SLC25A24: variants seen among roughly 807,000 people sequenced by gnomAD.
SLC25A24 encodes mitochondrial adenyl nucleotide antiporter SLC25A24.
SLC25A24 carries 49 observed loss-of-function variants against 60.7 expected under a neutral mutation model. The observed-to-expected ratio is 0.81, with a 90% CI of 0.64 to 1.02. The LOEUF is 1.02. Among genes scored for constraint, SLC25A24 ranks in the 50% least tolerant of loss-of-function variants. The pLI, the probability that SLC25A24 is intolerant of heterozygous loss-of-function variation, is 0.00. For synonymous variants in SLC25A24, 202 were observed against 200.6 expected (o/e 1.01, Z -0.06); for missense variants, 564 against 586.3 (o/e 0.96, Z 0.39).
intron 4 of SLC25A24, among the ~76,000 whole-genome samples, chr1:108,160,273 A>G (rs1323612900): frequency 1.4e-5 from 2 of 144,826 alleles, no homozygotes; most frequent in Non-Finnish European, 1.5e-5. Context: ...CACATCTCAG[A>G]CGATGGGCGG....
At chr1:108,189,643 C>T (rs116044975) in intron 1 of SLC25A24, among the ~76,000 whole-genome samples, 7,286 of 151,970 alleles carry the variant, frequency 0.048, 263 homozygotes, top group South Asian at 0.09. Flanking sequence ...GGTGAAATCC[C>T]GTTTCTACTA....
intron 3 of SLC25A24, among the ~76,000 whole-genome samples, chr1:108,168,148 A>T (rs1159458862): frequency 6.6e-6 from 1 of 152,176 alleles, no homozygotes; most frequent in Non-Finnish European, 1.5e-5. Flanking sequence ...AATAAAATGC[A>T]ATTTTCAGGT....
At chr1:108,159,004 A>G (rs751836078) in intron 4 of SLC25A24, among the ~76,000 whole-genome samples, 1 of 152,330 alleles carries the variant, frequency 6.6e-6, no homozygotes, top group Non-Finnish European at 1.5e-5. Flanking sequence ...CTCCGTCTCA[A>G]AAAAACAAAA....
chr1:108,166,882 T>C (rs1357319027), intron 3 of SLC25A24, among the ~76,000 whole-genome samples: 1 of 152,160 alleles, frequency 6.6e-6, no homozygotes, highest in Admixed American at 6.5e-5. Flanking sequence ...TTTTAGAGTT[T>C]CCAGTTTTTC....
chr1:108,191,696 G>C (rs1648348217), intron 1 of SLC25A24, among the ~76,000 whole-genome samples: 1 of 139,650 alleles, frequency 7.2e-6, no homozygotes, highest in Non-Finnish European at 1.6e-5. Context: ...ATTTCAACAT[G>C]ACAGAACTCA....
At chr1:108,170,213 G>T (rs1044849886) in intron 3 of SLC25A24, among the ~76,000 whole-genome samples, 9 of 151,958 alleles carry the variant, frequency 5.9e-5, no homozygotes, top group African/African-American at 2.2e-4. Context: ...TTCCACTTAC[G>T]ATTTCCTTTG....
rs1377307386 is a variant in SLC25A24 at position 108,200,300 on chromosome 1, C to T, written c.-162G>A. ...GCTGCGGCGCGCAGGGCGCAGGGCG[C>T]AGGAGCGGAGACCCCACCCGAGCCC... On this transcript the variant is annotated 5_prime_UTR_variant, in exon 1 of 10. Transcript: ENST00000565488. 2.1e-5 allele frequency: 11 copies of T among 530,592 alleles called. No homozygotes were observed. Among genetic ancestry groups the T allele is most frequent in the Non-Finnish European group, 2.8e-5 (10 of 356,200 alleles). 32.9% of individuals were successfully genotyped at this position (530,592 alleles called of 1,614,324 possible).
At chr1:108,166,754 T>A (rs1448507471) in intron 3 of SLC25A24, among the ~76,000 whole-genome samples, 1 of 152,222 alleles carries the variant, frequency 6.6e-6, no homozygotes, top group Non-Finnish European at 1.5e-5. Flanking sequence ...CTCCCATAGC[T>A]CAGAGTAATT....
Position 108,143,628 on chromosome 1 carries a change from T to C in SLC25A24, c.1013A>G (p.Glu338Gly). 1 of 1,613,808 alleles carries C rather than the reference T, an allele frequency of 6.2e-7. No homozygotes were observed. The highest frequency in any genetic ancestry group is 1.1e-5 in the South Asian group (1 of 91,068). Reference protein sequence around the residue: ...YDCAKKILKHEGLGAFYKGYV... With the variant: ...YDCAKKILKHGGLGAFYKGYV... ...GCCTTTGTAAAAAGCTCCCAAGCCT[T>C]CATGTTTCAAAATCTTCTTGGCACA... The change falls in exon 8 of 10, where the codon GAA becomes GGA. Residue 338 changes from glutamate to glycine, a missense_variant. By Grantham distance (98) the Glu-to-Gly change is moderately conservative. Coordinates refer to ENST00000565488, the MANE Select transcript of SLC25A24 (RefSeq NM_013386.5).
chr1:108,168,239 G>C (rs934126692), intron 3 of SLC25A24, among the ~76,000 whole-genome samples: 9 of 152,116 alleles, frequency 5.9e-5, no homozygotes, highest in African/African-American at 2.2e-4. Flanking sequence ...ATTTGTCCCA[G>C]CACAGAGGTA....
intron 7 of SLC25A24, among the ~76,000 whole-genome samples, 182 bp downstream of exon 7, chr1:108,148,097 T>G (rs541157556): frequency 1.3e-5 from 2 of 152,292 alleles, no homozygotes; most frequent in African/African-American, 4.8e-5. Context: ...ATCTTGACTG[T>G]GGGCTGTGAA....
chr1:108,150,465 T>C (rs1679726230), intron 6 of SLC25A24, among the ~76,000 whole-genome samples: 1 of 152,230 alleles, frequency 6.6e-6, no homozygotes, highest in South Asian at 2.1e-4. Context: ...TGAAATCCTT[T>C]TGTCTATCTC....
Position 108,180,607 on chromosome 1 carries a change from AAGAG to A in SLC25A24, c.398+1330_398+1333del, listed in dbSNP as rs1294888143. On this transcript the variant is annotated intron_variant, in intron 3 of 9. Transcript: ENST00000565488. ...GGACTATGGCCTTATAATAGAAAGC[AAGAG>A]AAAGATCTCTCTCTCTCTCTCTCTC... is the stretch of plus-strand genomic sequence containing the variant. Among the ~76,000 whole-genome samples the A allele has an allele frequency of 2.9e-4, 40 of 136,400 alleles. No individual in the cohort carries two copies. In the South Asian group the frequency reaches 8.3e-3, roughly 28 times the overall value. The allele number at this position is 136,400 out of a possible 152,430, so 89.5% of individuals were successfully genotyped here. A position where few individuals can be genotyped will look rare whatever the true frequency, so the allele number is the denominator to read the frequency against.
chr1:108,196,802 C>T (rs1648509408), intron 1 of SLC25A24, among the ~76,000 whole-genome samples: 1 of 141,496 alleles, frequency 7.1e-6, no homozygotes, highest in African/African-American at 2.7e-5. Context: ...CATGAAGGCT[C>T]CACAGGAAGA....
At chr1:108,140,477 A>T (rs1158571094) in intron 8 of SLC25A24, among the ~76,000 whole-genome samples, 3 of 152,174 alleles carry the variant, frequency 2.0e-5, no homozygotes, top group Non-Finnish European at 2.9e-5. Context: ...AATATTTAGA[A>T]TATTATAAAA....
At chr1:108,146,145 T>C (rs934460814) in intron 7 of SLC25A24, among the ~76,000 whole-genome samples, 1 of 152,190 alleles carries the variant, frequency 6.6e-6, no homozygotes, top group Admixed American at 6.5e-5. Context: ...TTGTAAGTTG[T>C]ATTCCGAGGT....
At chr1:108,148,879 T>G (rs1033828002) in intron 6 of SLC25A24, among the ~76,000 whole-genome samples, 7 of 152,148 alleles carry the variant, frequency 4.6e-5, no homozygotes, top group Admixed American at 3.9e-4. Flanking sequence ...ATGTATACAC[T>G]ACATTAATAA....
In SLC25A24 at chr1:108,192,831, C is replaced by T. The variant is rs558840192; in HGVS notation, c.184-6877G>A. The T allele has an allele frequency of 5.1e-6, 6 of 1,181,588 alleles. 1 individual carries two copies. The highest frequency in any genetic ancestry group is 4.3e-5 in the South Asian group (2 of 46,574). The allele number at this position is 1,181,588 out of a possible 1,614,324, so 73.2% of individuals were successfully genotyped here. ...TCCTAACGGCTTCAGCGCAAAGGCG[C>T]GAGCGCGCAGGACCCGGGACCTGCG... is the stretch of plus-strand genomic sequence containing the variant. On this transcript the variant is annotated intron_variant, in intron 1 of 9. Coordinates refer to ENST00000565488, the MANE Select transcript of SLC25A24 (RefSeq NM_013386.5).
Position 108,148,332 on chromosome 1 carries a change from T to C in SLC25A24, c.877A>G (p.Ile293Val). ...GTTGCTCCAGCCATGGAACCAGAAATAAATCTCTCAAATGTTCCTATTTTT... is the reference window on the plus strand; with the variant it reads ...GTTGCTCCAGCCATGGAACCAGAAACAAATCTCTCAAATGTTCCTATTTTT... ...GQKIGTFERF[I>V]SGSMAGATAQ... Residue 293 changes from isoleucine to valine, a missense_variant, in exon 7 of 10, where the codon ATT (isoleucine) becomes GTT (valine). Transcript: ENST00000565488. 6.2e-7 allele frequency: 1 copy of C among 1,613,312 alleles called. No homozygotes were observed. Among genetic ancestry groups the C allele is most frequent in the Non-Finnish European group, 8.5e-7 (1 of 1,179,312 alleles).
Sources: allele counts gnomAD v4.1 joint callset (sites outside exome capture counted in the v4.1 genomes callset), GRCh38; gene constraint gnomAD v4.1.1; transcripts MANE v1.5; gene names NCBI Gene and HGNC (gene_info 2026-07-23, HGNC 2026-07-21).